SYCP1: variants seen among roughly 807,000 people sequenced by gnomAD.
The protein encoded by SYCP1 is cancer/testis antigen 8.
Under a neutral mutation model 153.1 loss-of-function variants are expected in SYCP1, and 64 were observed. The ratio of observed to expected loss-of-function variants is 0.42; its 90% CI spans 0.34 to 0.51. The LOEUF is 0.51. Among genes scored for constraint, SYCP1 ranks in the 20% least tolerant of loss-of-function variants. The pLI is 0.06. For missense variants in SYCP1, 997 were observed against 1,049.0 expected (o/e 0.95, Z 0.68); for synonymous variants, 384 against 341.8 (o/e 1.12, Z -1.36).
rs766362284 is a variant in SYCP1, at chr1:114,895,431, T to G, written c.1259-17T>G. On this transcript the variant is annotated splice_polypyrimidine_tract_variant and intron_variant, in intron 15 of 31. Transcript: ENST00000369522. ...TTAATCCAGCTTTTTAACACATTTT[T>G]TTTTTGCTCATTTTAGAAGAGATGA... is the stretch of plus-strand genomic sequence containing the variant. The G allele has an allele frequency of 4.8e-6, 7 of 1,458,820 alleles. No homozygotes were observed. The South Asian group carries it at 9.2e-5, about 19-fold the overall frequency. The allele number at this position is 1,458,820 out of a possible 1,614,324, so 90.4% of individuals were successfully genotyped here. A position where few individuals can be genotyped will look rare whatever the true frequency, so the allele number is the denominator to read the frequency against.
At chr1:114,922,267 A>T (rs771980392) in intron 20 of SYCP1, among the ~76,000 whole-genome samples, 4 of 151,974 alleles carry the variant, frequency 2.6e-5, no homozygotes, top group Non-Finnish European at 5.9e-5. Flanking sequence ...TGACTCTTAG[A>T]TTTGCCCTTT....
intron 8 of SYCP1, among the ~76,000 whole-genome samples, chr1:114,864,147 A>G (rs1301729565): frequency 1.3e-5 from 2 of 151,902 alleles, no homozygotes; most frequent in East Asian, 1.9e-4. Flanking sequence ...AAAAAAGAGT[A>G]TACAGTCTAG....
chr1:114,989,176 A>AAACAT (rs1403696746), intron 30 of SYCP1, among the ~76,000 whole-genome samples: 7 of 151,840 alleles, frequency 4.6e-5, no homozygotes, highest in Non-Finnish European at 8.8e-5. Flanking sequence ...AAACAAAACA[A>AAACAT]AACAAAAAAC....
At chr1:114,877,808 G>T (rs1173667057) in intron 11 of SYCP1, among the ~76,000 whole-genome samples, 1 of 152,264 alleles carries the variant, frequency 6.6e-6, no homozygotes, top group South Asian at 2.1e-4. Context: ...TTACCATTAT[G>T]TATGTTGACT....
intron 27 of SYCP1, among the ~76,000 whole-genome samples, chr1:114,975,206 G>A (rs1672732410): frequency 6.6e-6 from 1 of 151,566 alleles, no homozygotes; most frequent in Admixed American, 6.6e-5. Context: ...TTGTGTTGTT[G>A]AGTTGTAGGA....
chr1:114,977,367 A>G (rs1672866129), intron 27 of SYCP1, among the ~76,000 whole-genome samples, 190 bp from the exon 28 acceptor site: 1 of 151,818 alleles, frequency 6.6e-6, no homozygotes, highest in Non-Finnish European at 1.5e-5. Flanking sequence ...ATAAAGGAAG[A>G]GATAATCAAA....
intron 26 of SYCP1, 68 bp from the exon 27 acceptor site, chr1:114,947,178 G>C (rs1670763289): frequency 3.4e-6 from 4 of 1,162,456 alleles, no homozygotes; most frequent in Non-Finnish European, 3.8e-6. Flanking sequence ...CAGAGCACTA[G>C]TTTATATTTT....
chr1:114,899,860 G>C (rs879534291), intron 16 of SYCP1, among the ~76,000 whole-genome samples: 4 of 152,176 alleles, frequency 2.6e-5, no homozygotes, highest in Non-Finnish European at 4.4e-5. Context: ...AGGCCCTTCT[G>C]AAGCATCGGA....
intron 29 of SYCP1, among the ~76,000 whole-genome samples, 182 bp from the exon 30 acceptor site, chr1:114,984,543 T>C (rs1326375295): frequency 6.6e-6 from 1 of 152,060 alleles, no homozygotes; most frequent in African/African-American, 2.4e-5. Context: ...AGACAACTTA[T>C]AGTATCAAAA....
chr1:114,855,696 G>T, intron 2 of SYCP1, 124 bp downstream of exon 2: 1 of 701,292 alleles, frequency 1.4e-6, no homozygotes, highest in Non-Finnish European at 2.3e-6. Flanking sequence ...ATTTACCCAA[G>T]AATTTTGAAT....
intron 28 of SYCP1, among the ~76,000 whole-genome samples, chr1:114,979,415 G>T (rs1673007575): frequency 6.6e-6 from 1 of 151,726 alleles, no homozygotes; most frequent in South Asian, 2.1e-4. Flanking sequence ...TTTCTGGAAA[G>T]GGATAGTTCA....
At chr1:114,937,238 C>T (rs1399034416) in intron 23 of SYCP1, among the ~76,000 whole-genome samples, 4 of 152,216 alleles carry the variant, frequency 2.6e-5, no homozygotes, top group African/African-American at 7.2e-5. Context: ...AGAAATAATA[C>T]CACACATCTA....
intron 16 of SYCP1, among the ~76,000 whole-genome samples, chr1:114,906,391 T>C (rs1443820019): frequency 2.6e-5 from 4 of 152,166 alleles, no homozygotes; most frequent in Admixed American, 2.6e-4. Context: ...GCTCATATCT[T>C]TATTATTTCC....
intron 13 of SYCP1, among the ~76,000 whole-genome samples, 159 bp downstream of exon 13, chr1:114,885,788 G>T (rs1666254874): frequency 6.6e-6 from 1 of 152,134 alleles, no homozygotes; most frequent in Admixed American, 6.5e-5. Flanking sequence ...TAGAGACATT[G>T]CATAAAAACA....
At chr1:114,937,015 CA>C (rs1670056215) in intron 23 of SYCP1, among the ~76,000 whole-genome samples, 1 of 152,058 alleles carries the variant, frequency 6.6e-6, no homozygotes, top group Non-Finnish European at 1.5e-5. Flanking sequence ...AGCTACCAAT[CA>C]CTTTCTTCAC....
rs140696876 is a variant in SYCP1 at position 114,973,318 on chromosome 1, G to A, written c.2323-4239G>A. ...TGGCAAGGATAACTAATTCTTTATGGTTGTGGTTGTGCTTCCTTTCTCCAA... is the reference window on the plus strand; with the variant it reads ...TGGCAAGGATAACTAATTCTTTATGATTGTGGTTGTGCTTCCTTTCTCCAA... On this transcript the variant is annotated intron_variant, in intron 27 of 31. Coordinates refer to ENST00000369522, the MANE Select transcript of SYCP1 (RefSeq NM_003176.4). Among the ~76,000 whole-genome samples, 4 of 152,050 alleles carry A rather than the reference G, an allele frequency of 2.6e-5. No individual in the cohort carries two copies. In the East Asian group the frequency reaches 7.7e-4, roughly 29 times the overall value.
At position 114,914,146 on chromosome 1, in the gene SYCP1, A is replaced by G. The variant is rs1668362551; in HGVS notation, c.1718+101A>G. 3 of 859,780 alleles carry G rather than the reference A, an allele frequency of 3.5e-6. No homozygotes were observed. In the Admixed American group the frequency reaches 9.9e-5, roughly 29 times the overall value. The allele number at this position is 859,780 out of a possible 1,614,324, so 53.3% of individuals were successfully genotyped here. A position where few individuals can be genotyped will look rare whatever the true frequency, so the allele number is the denominator to read the frequency against. On this transcript the variant is annotated intron_variant, in intron 20 of 31. Coordinates refer to ENST00000369522, the MANE Select transcript of SYCP1 (RefSeq NM_003176.4). ...AATTTAAATTGGACTGCTGTTGAAT[A>G]TTTTATAAAGTAAAAATTAGATATA...
chr1:114,925,401 G>A (rs948561671), intron 21 of SYCP1, among the ~76,000 whole-genome samples: 1 of 151,944 alleles, frequency 6.6e-6, no homozygotes, highest in African/African-American at 2.4e-5. Flanking sequence ...ACGATTTAAG[G>A]AAAAAAATTA....
intron 23 of SYCP1, among the ~76,000 whole-genome samples, chr1:114,929,033 A>T (rs1021012295): frequency 6.6e-6 from 1 of 152,170 alleles, no homozygotes; most frequent in African/African-American, 2.4e-5. Context: ...CTCAAATGGC[A>T]GAAGGGACAA....
Sources: allele counts gnomAD v4.1 joint callset (sites outside exome capture counted in the v4.1 genomes callset), GRCh38; gene constraint gnomAD v4.1.1; transcripts MANE v1.5; gene names NCBI Gene and HGNC (gene_info 2026-07-23, HGNC 2026-07-21).